The following CLUAP1 variants were observed in gnomAD, a reference collection of about 807,000 sequenced individuals.
The protein encoded by CLUAP1 is intraflagellar transport 38.
Under a neutral mutation model 55.0 loss-of-function variants are expected in CLUAP1, and 50 were observed. The observed-to-expected ratio is 0.91, with a 90% CI of 0.72 to 1.15. The LOEUF (loss-of-function observed/expected upper bound fraction) is 1.15. CLUAP1 is among the 50% of genes most tolerant of loss of function. CLUAP1 has a pLI of 0.00. For synonymous variants in CLUAP1, 195 were observed against 175.4 expected, an observed-to-expected ratio of 1.11 and a Z score of -0.88; for missense variants, 530 against 507.6, an observed-to-expected ratio of 1.04 and a Z score of -0.42.
intron 9 of CLUAP1, 22 bp downstream of exon 9, chr16:3,526,506 G>T (rs569338284): frequency 1.9e-6 from 3 of 1,575,712 alleles, no homozygotes; most frequent in Non-Finnish European, 2.6e-6. Flanking sequence ...CTTCGTAGAC[G>T]AGCAGTTTAC....
chr16:3,536,663 C>G lies in CLUAP1; in HGVS notation c.*392C>G, dbSNP rs767122770. ...GGGCTGGAACTTGGCACTGGGGACT[C>G]ATGTTTGGAATCGTAGGGGAACATC... is the stretch of plus-strand genomic sequence containing the variant. On this transcript the variant is annotated 3_prime_UTR_variant, in exon 12 of 12. Coordinates refer to ENST00000576634, the MANE Select transcript of CLUAP1 (RefSeq NM_015041.3). 2 of 169,040 alleles carry G rather than the reference C, an allele frequency of 1.2e-5. No homozygotes were observed. The highest frequency in any genetic ancestry group is 2.6e-5 in the Non-Finnish European group (2 of 77,904). The allele number at this position is 169,040 out of a possible 1,614,324, so 10.5% of individuals were successfully genotyped here. A position where few individuals can be genotyped will look rare whatever the true frequency, so the allele number is the denominator to read the frequency against.
intron 9 of CLUAP1, among the ~76,000 whole-genome samples, chr16:3,528,739 T>C (rs1374957780): frequency 6.6e-6 from 1 of 152,212 alleles, no homozygotes; most frequent in Non-Finnish European, 1.5e-5. Context: ...TTTAGGTCTC[T>C]GATCCACTTT....
At chr16:3,522,493 A>G (rs2037858660) in intron 7 of CLUAP1, among the ~76,000 whole-genome samples, 1 of 152,114 alleles carries the variant, frequency 6.6e-6, no homozygotes, top group South Asian at 2.1e-4. Flanking sequence ...CAAATAAGAT[A>G]ATAATATATA....
chr16:3,515,206 A>T (rs1038899383), intron 5 of CLUAP1, among the ~76,000 whole-genome samples: 1 of 152,040 alleles, frequency 6.6e-6, no homozygotes, highest in Non-Finnish European at 1.5e-5. Flanking sequence ...AAAAAAAAAA[A>T]AAGAAGCAGC....
At chr16:3,519,749 T>C (rs563327838) in intron 6 of CLUAP1, among the ~76,000 whole-genome samples, 154 bp from the exon 7 acceptor site, 107 of 152,304 alleles carry the variant, frequency 7.0e-4, no homozygotes, top group Non-Finnish European at 1.2e-3. Context: ...AACTAGTGGG[T>C]TAAGTGAGTC....
chr16:3,505,116 A>G (rs555225866), intron 2 of CLUAP1, among the ~76,000 whole-genome samples: 2 of 152,322 alleles, frequency 1.3e-5, no homozygotes, highest in Admixed American at 6.5e-5. Context: ...GTACACACTC[A>G]TAGTTCCAGC....
intron 9 of CLUAP1, among the ~76,000 whole-genome samples, chr16:3,527,312 G>GA (rs1281439116): frequency 6.6e-6 from 1 of 151,930 alleles, no homozygotes; most frequent in Non-Finnish European, 1.5e-5. Flanking sequence ...CATAACCTAG[G>GA]AAAAAACAGG....
intron 8 of CLUAP1, among the ~76,000 whole-genome samples, chr16:3,524,519 C>T (rs1420195230): frequency 6.7e-6 from 1 of 149,348 alleles, no homozygotes; most frequent in Non-Finnish European, 1.5e-5. Context: ...ATTGCTTGAA[C>T]CCAGGAGGCA....
rs965472901 is a variant in CLUAP1 at position 3,538,487 on chromosome 16, A to G, written c.*2216A>G. 1.3e-5 allele frequency: 2 copies of G among 152,154 alleles called. No individual in the cohort carries two copies. Among genetic ancestry groups the G allele is most frequent in the African/African-American group, 4.8e-5 (2 of 41,428 alleles). The allele number at this position is 152,154 out of a possible 1,614,324, so 9.4% of individuals were successfully genotyped here. Reference sequence around the variant, plus strand: ...CACTGCATCTTCTTGAATGTTACAGATTTGGTTTGCCTGAATGTGACTTGA... The same window carrying G: ...CACTGCATCTTCTTGAATGTTACAGGTTTGGTTTGCCTGAATGTGACTTGA... On this transcript the variant is annotated 3_prime_UTR_variant, in exon 12 of 12. Coordinates refer to ENST00000576634, the MANE Select transcript of CLUAP1 (RefSeq NM_015041.3).
chr16:3,505,189 G>A (rs1279994654), intron 2 of CLUAP1, among the ~76,000 whole-genome samples: 1 of 151,812 alleles, frequency 6.6e-6, no homozygotes, highest in African/African-American at 2.4e-5. Flanking sequence ...CAGTGCCACT[G>A]ATCATGCTAT....
chr16:3,514,133 T>C (rs2037686417), intron 5 of CLUAP1, among the ~76,000 whole-genome samples: 2 of 152,230 alleles, frequency 1.3e-5, no homozygotes, highest in African/African-American at 4.8e-5. Flanking sequence ...TACATATGTC[T>C]GTACATGTCC....
intron 1 of CLUAP1, among the ~76,000 whole-genome samples, chr16:3,503,596 C>CT (rs904442042): frequency 3.4e-5 from 5 of 148,996 alleles, no homozygotes; most frequent in African/African-American, 1.2e-4. Flanking sequence ...CGCGCCTGGC[C>CT]TTTTTTGTTT....
At chr16:3,527,379 G>A (rs1043127101) in intron 9 of CLUAP1, among the ~76,000 whole-genome samples, 2 of 152,138 alleles carry the variant, frequency 1.3e-5, no homozygotes, top group Non-Finnish European at 2.9e-5. Flanking sequence ...AGACAAGAGT[G>A]CAAACCTTCT....
At chr16:3,512,659 C>CTTTA (rs928852406) in intron 5 of CLUAP1, among the ~76,000 whole-genome samples, 181 bp downstream of exon 5, 28 of 152,162 alleles carry the variant, frequency 1.8e-4, no homozygotes, top group South Asian at 4.1e-4. Context: ...ACTGGTCTAG[C>CTTTA]TTTATTTATT....
At chr16:3,515,370 G>A in intron 5 of CLUAP1, 138 bp from the exon 6 acceptor site, 2 of 607,070 alleles carry the variant, frequency 3.3e-6, no homozygotes, top group Non-Finnish European at 5.7e-6. Context: ...AGGTGATGGT[G>A]GCAGTGTTTT....
At chr16:3,495,880 C>T in the CLUAP1 span, among the ~76,000 whole-genome samples, 3 of 152,130 alleles carry the variant, frequency 2.0e-5, no homozygotes, top group Non-Finnish European at 4.4e-5. Flanking sequence ...CCGAGGCAGG[C>T]TGATCAGTTG....
chr16:3,532,761 T>C, intron 10 of CLUAP1, 25 bp from the exon 11 acceptor site: 1 of 1,613,140 alleles, frequency 6.2e-7, no homozygotes, highest in Non-Finnish European at 8.5e-7. Flanking sequence ...TTTTTATGAC[T>C]TCTTCATGCT....
chr16:3,522,372 C>G (rs919949651), intron 7 of CLUAP1, among the ~76,000 whole-genome samples: 2 of 152,160 alleles, frequency 1.3e-5, no homozygotes, highest in African/African-American at 4.8e-5. Flanking sequence ...CCATGTTGGC[C>G]AGGCTGGTCT....
intron 1 of CLUAP1, among the ~76,000 whole-genome samples, chr16:3,501,483 T>C (rs537945750): frequency 3.3e-4 from 50 of 152,302 alleles, no homozygotes; most frequent in Middle Eastern, 6.8e-3. Context: ...AGCTTAGCGC[T>C]TAGAAAACCG....
Sources: allele counts gnomAD v4.1 joint callset (sites outside exome capture counted in the v4.1 genomes callset), GRCh38; gene constraint gnomAD v4.1.1; transcripts MANE v1.5; gene names NCBI Gene and HGNC (gene_info 2026-07-23, HGNC 2026-07-21).